Variants in XKR6 observed in about 807,000 individuals in gnomAD.
XKR6 encodes the protein XK-related protein 6.
In XKR6, 22 loss-of-function variants were observed where a neutral mutation model predicts 56.7. The ratio of observed to expected loss-of-function variants is 0.39; its 90% CI spans 0.28 to 0.55. XKR6 has a LOEUF of 0.55. Among genes scored for constraint, XKR6 ranks in the 20% least tolerant of loss-of-function variants. XKR6 has a pLI of 0.66. For synonymous variants in XKR6, 524 were observed against 387.8 expected (o/e 1.35, Z -4.13); for missense variants, 852 against 889.0 (o/e 0.96, Z 0.53).
rs563974947 is a variant in XKR6, at chr8:10,970,846, C to A, written c.765-46016G>T. Among the ~76,000 whole-genome samples, 7 of 148,764 alleles carry A rather than the reference C, an allele frequency of 4.7e-5. No homozygotes were observed. The East Asian group carries it at 1.4e-3, about 30-fold the overall frequency. On this transcript the variant is annotated intron_variant, in intron 1 of 2. Transcript: ENST00000416569. The stretch of plus-strand genomic sequence containing the variant: ...AACCTCTGTATCATTAACAAAATTT[C>A]AGCCAGACATTGTTTTTTCTGCCTT...
intron 1 of XKR6, among the ~76,000 whole-genome samples, chr8:11,088,434 A>C (rs1446444093): frequency 6.6e-6 from 1 of 152,100 alleles, no homozygotes; most frequent in African/African-American, 2.4e-5. Flanking sequence ...CACGTTACTC[A>C]TTTTTTGTGG....
intron 1 of XKR6, among the ~76,000 whole-genome samples, chr8:11,059,225 C>T (rs1329604002): frequency 6.6e-6 from 1 of 152,230 alleles, no homozygotes; most frequent in Non-Finnish European, 1.5e-5. Flanking sequence ...AAGCTGCGAC[C>T]CCCTGCGCTG....
intron 1 of XKR6, among the ~76,000 whole-genome samples, chr8:11,034,898 G>C (rs113605113): frequency 2.0e-5 from 3 of 152,338 alleles, no homozygotes; most frequent in African/African-American, 7.2e-5. Flanking sequence ...CATAAGCTGG[G>C]CTTCTCCTGC....
intron 1 of XKR6, among the ~76,000 whole-genome samples, chr8:11,049,531 G>A (rs370734302): frequency 6.9e-4 from 105 of 152,276 alleles, no homozygotes; most frequent in African/African-American, 2.4e-3. Flanking sequence ...AGACCCTACT[G>A]ACACCACTAA....
chr8:10,972,933 A>C (rs891769581), intron 1 of XKR6, among the ~76,000 whole-genome samples: 1 of 152,208 alleles, frequency 6.6e-6, no homozygotes, highest in Non-Finnish European at 1.5e-5. Flanking sequence ...TCCTGTGCAC[A>C]GGTTGTAAGG....
At chr8:11,084,551 G>A (rs534291477) in intron 1 of XKR6, among the ~76,000 whole-genome samples, 2 of 152,180 alleles carry the variant, frequency 1.3e-5, no homozygotes, top group South Asian at 2.1e-4. Context: ...AGCACCTACC[G>A]CTAATGAAAC....
chr8:11,030,284 G>T (rs1046162337), intron 1 of XKR6, among the ~76,000 whole-genome samples: 4 of 152,170 alleles, frequency 2.6e-5, no homozygotes, highest in African/African-American at 9.7e-5. Context: ...CTTCCAGAAT[G>T]GTCCCAAGGC....
At chr8:10,953,126 T>G (rs1801777079) in intron 1 of XKR6, among the ~76,000 whole-genome samples, 1 of 152,174 alleles carries the variant, frequency 6.6e-6, no homozygotes, top group African/African-American at 2.4e-5. Flanking sequence ...CATTATACAT[T>G]ACAATGTAAT....
intron 1 of XKR6, among the ~76,000 whole-genome samples, chr8:11,110,251 G>C (rs1363245229): frequency 6.6e-6 from 1 of 152,160 alleles, no homozygotes; most frequent in East Asian, 1.9e-4. Context: ...GGGATTACAG[G>C]CGTGAGCCAC....
At chr8:11,142,753 T>C (rs1485251362) in intron 1 of XKR6, among the ~76,000 whole-genome samples, 1 of 152,194 alleles carries the variant, frequency 6.6e-6, no homozygotes, top group African/African-American at 2.4e-5. Context: ...TAAACCTCTT[T>C]TCTTTAGAAA....
At chr8:10,988,877 T>G (rs933472120) in intron 1 of XKR6, among the ~76,000 whole-genome samples, 2 of 152,206 alleles carry the variant, frequency 1.3e-5, no homozygotes, top group Non-Finnish European at 2.9e-5. Flanking sequence ...CCCTTTGCTG[T>G]CCGGTGGCTT....
intron 1 of XKR6, among the ~76,000 whole-genome samples, chr8:11,006,582 G>A (rs867910011): frequency 6.6e-6 from 1 of 152,210 alleles, no homozygotes; most frequent in South Asian, 2.1e-4. Context: ...CACACAGAGT[G>A]AAGACAATGT....
At chr8:11,035,891 T>C (rs956898435) in intron 1 of XKR6, among the ~76,000 whole-genome samples, 14 of 151,938 alleles carry the variant, frequency 9.2e-5, no homozygotes, top group South Asian at 2.1e-4. Flanking sequence ...CCTTTGTGTA[T>C]CTGACCAGAT....
intron 1 of XKR6, among the ~76,000 whole-genome samples, chr8:11,093,015 CTCTTT>C (rs918794523): frequency 9.2e-5 from 14 of 151,512 alleles, no homozygotes; most frequent in Non-Finnish European, 7.4e-5. Context: ...GCTTTTCTTT[CTCTTT>C]TCTTTTTTCT....
At chr8:11,163,900 C>G (rs914593369) in intron 1 of XKR6, among the ~76,000 whole-genome samples, 2 of 152,088 alleles carry the variant, frequency 1.3e-5, no homozygotes, top group Non-Finnish European at 2.9e-5. Flanking sequence ...TGCCCCAGCC[C>G]TCACTGGAAA....
At chr8:11,167,890 TAA>T (rs34853825) in intron 1 of XKR6, among the ~76,000 whole-genome samples, 27,432 of 107,320 alleles carry the variant, frequency 0.26, 3,337 homozygotes, top group Middle Eastern at 0.36. Flanking sequence ...CCCCATCTCT[TAA>T]AAAAAAAAAA....
chr8:11,018,947 G>A (rs145558854), intron 1 of XKR6, among the ~76,000 whole-genome samples: 329 of 152,240 alleles, frequency 2.2e-3, no homozygotes, highest in African/African-American at 7.5e-3. Flanking sequence ...ATGCTCATCT[G>A]GAGATGACCC....
rs190920066 is a variant in XKR6, at chr8:10,979,377, G to T, written c.765-54547C>A. ...AAGGCTCGGGTCAGCAGCTACAGGG[G>T]TCCCAGTGGCCCCAGGCAGCCAGCA... is the stretch of plus-strand genomic sequence containing the variant. On this transcript the variant is annotated intron_variant, in intron 1 of 2. Transcript: ENST00000416569. Among the ~76,000 whole-genome samples the T allele has an allele frequency of 5.3e-5, 8 of 152,012 alleles. No individual in the cohort carries two copies. The East Asian group carries it at 5.9e-4, about 11-fold the overall frequency.
intron 1 of XKR6, among the ~76,000 whole-genome samples, chr8:11,116,562 G>A (rs775667100): frequency 3.3e-5 from 5 of 152,060 alleles, no homozygotes; most frequent in Non-Finnish European, 7.4e-5. Context: ...GTAGAGACGG[G>A]GTTTCTCCAT....
Sources: gnomAD v4.1 joint callset for allele counts (sites outside exome capture counted in the v4.1 genomes callset) on GRCh38, gnomAD v4.1.1 for gene constraint, MANE v1.5 for transcripts, NCBI Gene and HGNC (gene_info 2026-07-23, HGNC 2026-07-21) for gene names.